PRKX: variants seen among roughly 807,000 people sequenced by gnomAD.
PRKX encodes protein kinase cAMP-dependent X-linked catalytic subunit, also known as cAMP-dependent protein kinase catalytic subunit PRKX.
A neutral mutation model predicts 22.0 loss-of-function variants in PRKX; 12 were observed. The observed-to-expected ratio is 0.54, with a 90% CI of 0.35 to 0.88. PRKX has a LOEUF of 0.88. Ranked by LOEUF, PRKX falls within the 40% of genes least tolerant of loss-of-function variation. The pLI, the probability that PRKX is intolerant of heterozygous loss-of-function variation, is 0.01. For missense variants in PRKX, 217 were observed against 308.0 expected, an observed-to-expected ratio of 0.70 and a Z score of 2.21; for synonymous variants, 134 against 137.7, an observed-to-expected ratio of 0.97 and a Z score of 0.19.
chrX:3,702,073 T>C (rs962607467), intron 1 of PRKX, among the ~76,000 whole-genome samples: 5 of 112,222 alleles, frequency 4.5e-5, no homozygotes, highest in African/African-American at 1.6e-4. Flanking sequence ...AATTTTTTCT[T>C]GCACAAGATC....
At chrX:3,632,562 C>T (rs1301766110) in intron 4 of PRKX, among the ~76,000 whole-genome samples, 1 of 111,686 alleles carries the variant, frequency 9.0e-6, no homozygotes, top group African/African-American at 3.3e-5. Context: ...GAATATTAAA[C>T]GAAGTGCTCT....
At chrX:3,695,366 T>C (rs769037847) in intron 1 of PRKX, among the ~76,000 whole-genome samples, 1 of 112,114 alleles carries the variant, frequency 8.9e-6, no homozygotes, top group East Asian at 2.8e-4. Flanking sequence ...AAGTGAGATT[T>C]TTTGTTTTCT....
At chrX:3,631,575 T>C (rs1396191525) in intron 4 of PRKX, among the ~76,000 whole-genome samples, 2 of 112,408 alleles carry the variant, frequency 1.8e-5, no homozygotes, top group African/African-American at 6.5e-5. Flanking sequence ...TGCCCAGACC[T>C]GGAATGAGAC....
At chrX:3,663,087 A>G (rs1927638316) in intron 2 of PRKX, among the ~76,000 whole-genome samples, 1 of 107,636 alleles carries the variant, frequency 9.3e-6, no homozygotes, top group Non-Finnish European at 1.9e-5. Context: ...CAATCCTCTC[A>G]CCTCAGCCTC....
chrX:3,706,559 C>T (rs1416083175), intron 1 of PRKX, among the ~76,000 whole-genome samples: 1 of 111,676 alleles, frequency 9.0e-6, no homozygotes, highest in Admixed American at 9.6e-5. Context: ...GATCTCAGCC[C>T]ACTGCAACCT....
At chrX:3,669,873 C>T (rs887052105) in intron 2 of PRKX, among the ~76,000 whole-genome samples, 10 of 112,080 alleles carry the variant, frequency 8.9e-5, no homozygotes, top group Middle Eastern at 9.2e-3. Flanking sequence ...CTCTGTCCGT[C>T]GTCTGTCTAT....
chrX:3,697,181 T>A (rs1401099652), intron 1 of PRKX, among the ~76,000 whole-genome samples: 4 of 111,013 alleles, frequency 3.6e-5, no homozygotes, highest in Non-Finnish European at 5.7e-5. Flanking sequence ...CGGCAAACCA[T>A]CCCCACACCC....
At chrX:3,632,790 C>G (rs1173399397) in intron 4 of PRKX, among the ~76,000 whole-genome samples, 2 of 112,027 alleles carry the variant, frequency 1.8e-5, no homozygotes, top group Admixed American at 9.5e-5. Flanking sequence ...CAATTCTTAC[C>G]AAGTGGAGAA....
intron 4 of PRKX, among the ~76,000 whole-genome samples, chrX:3,638,637 A>G (rs988316904): frequency 8.9e-6 from 1 of 111,938 alleles, no homozygotes; most frequent in African/African-American, 3.3e-5. Flanking sequence ...CTCAGCAAAG[A>G]GTAATGGAAA....
At chrX:3,667,917 T>C (rs1381712316) in intron 2 of PRKX, 1 of 110,530 alleles carries the variant, frequency 9.0e-6, no homozygotes, top group African/African-American at 3.3e-5. Context: ...CTACTCCTCC[T>C]GCAAAATTCT....
Position 3,659,717 on chromosome X carries a change from G to GTTTTTGTTTTTTTTTTT in PRKX, c.336-4306_336-4305insAAAAAAAAAAACAAAAA, listed in dbSNP as rs1569053338. Among the ~76,000 whole-genome samples, 4 of 28,039 alleles carry GTTTTTGTTTTTTTTTTT rather than the reference G, an allele frequency of 1.4e-4. 2 individuals carry two copies. The highest frequency in any genetic ancestry group is 1.2e-4 in the Non-Finnish European group (2 of 16,404). 24.3% of individuals were successfully genotyped at this position (28,039 alleles called of 115,157 possible). A position where few individuals can be genotyped will look rare whatever the true frequency, so the allele number is the denominator to read the frequency against. On this transcript the variant is annotated intron_variant, in intron 2 of 8. Coordinates refer to ENST00000262848, the MANE Select transcript of PRKX (RefSeq NM_005044.5). ...ATTTTGTTGGAGTGGTGTTTTTTTT[G>GTTTTTGTTTTTTTTTTT]TTTTTTTTTTTGTTTTTTTTTTTTT...
intron 3 of PRKX, among the ~76,000 whole-genome samples, chrX:3,647,002 A>C (rs1927201665): frequency 9.0e-6 from 1 of 110,996 alleles, no homozygotes; most frequent in Admixed American, 9.7e-5. Flanking sequence ...AACAGACTCG[A>C]CATCTCAGGC....
At chrX:3,666,184 T>C (rs376389677) in intron 2 of PRKX, among the ~76,000 whole-genome samples, 4 of 96,538 alleles carry the variant, frequency 4.1e-5, no homozygotes, top group Admixed American at 2.3e-4. Context: ...AGACAGAGTC[T>C]CGCTCTGTTA....
At chrX:3,687,986 G>A (rs111694515) in intron 1 of PRKX, among the ~76,000 whole-genome samples, 15,506 of 111,305 alleles carry the variant, frequency 0.14, 937 homozygotes, top group East Asian at 0.38. Context: ...ACAAAAAATT[G>A]GCTGGGCGTG....
rs146786981 is a variant in PRKX at position 3,678,172 on chromosome X, G to C, written c.167-3406C>G. On this transcript the variant is annotated intron_variant, in intron 1 of 8. Transcript: ENST00000262848. Reference sequence around the variant, plus strand: ...TATCCTGCCATTGGACCTATGAAATGGGCAACAGAGTAACCTTTTAACCTT... The same window carrying C: ...TATCCTGCCATTGGACCTATGAAATCGGCAACAGAGTAACCTTTTAACCTT... Among the ~76,000 whole-genome samples the C allele has an allele frequency of 2.1e-3, 239 of 111,947 alleles. 2 individuals are homozygous for C. The East Asian group carries it at 0.054, about 26-fold the overall frequency.
intron 2 of PRKX, among the ~76,000 whole-genome samples, chrX:3,673,257 C>T: frequency 9.0e-6 from 1 of 111,164 alleles, no homozygotes; most frequent in East Asian, 2.9e-4. Flanking sequence ...AGAAGGAGGC[C>T]TGTCAAAGAA....
chrX:3,618,452 T>C (rs1926484260), intron 6 of PRKX, among the ~76,000 whole-genome samples: 1 of 49,647 alleles, frequency 2.0e-5, no homozygotes, highest in Admixed American at 2.8e-4. Context: ...ACCCCAACTC[T>C]TAAAAACAAT....
rs749102636 is a variant in PRKX at position 3,700,930 on chromosome X, A to T, written c.166+12158T>A. On this transcript the variant is annotated intron_variant, in intron 1 of 8. Coordinates refer to ENST00000262848, the MANE Select transcript of PRKX (RefSeq NM_005044.5). ...AAAATCAATGAAGTTGACAAGACAC[A>T]ATCTGTTTTCAAAAGAAAATACTAA... 1.5e-3 allele frequency among the ~76,000 whole-genome samples: 168 copies of T among 111,949 alleles called. 1 individual carries two copies. Among genetic ancestry groups the T allele is most frequent in the Non-Finnish European group, 6.4e-4 (34 of 53,235 alleles).
chrX:3,703,097 C>G (rs1407685039), intron 1 of PRKX, among the ~76,000 whole-genome samples: 2 of 111,044 alleles, frequency 1.8e-5, no homozygotes, highest in African/African-American at 3.3e-5. Flanking sequence ...GTTTTATGTC[C>G]TCCTCTCTTC....
Sources: allele counts gnomAD v4.1 joint callset (sites outside exome capture counted in the v4.1 genomes callset), GRCh38; gene constraint gnomAD v4.1.1; transcripts MANE v1.5; gene names NCBI Gene and HGNC (gene_info 2026-07-23, HGNC 2026-07-21).